Variants in ZNF577 observed in about 807,000 individuals in gnomAD.
The protein encoded by ZNF577 is zinc finger protein 577.
In ZNF577, 14 loss-of-function variants were observed where a neutral mutation model predicts 13.9. The ratio of observed to expected loss-of-function variants is 1.00; its 90% CI spans 0.66 to 1.57. The LOEUF (loss-of-function observed/expected upper bound fraction) is 1.57. Ranked by LOEUF, ZNF577 falls within the 40% of genes most tolerant of loss-of-function variation. The pLI is 0.00. For missense variants in ZNF577, 555 were observed against 579.2 expected (o/e 0.96, Z 0.43); for synonymous variants, 203 against 202.9 (o/e 1.00, Z 0.00).
intron 5 of ZNF577, among the ~76,000 whole-genome samples, chr19:51,851,729 T>TG (rs1205102324): frequency 1.3e-5 from 2 of 152,296 alleles, no homozygotes; most frequent in Non-Finnish European, 2.9e-5. Context: ...CAGCAGCCTA[T>TG]GCTCTCAAAG....
chr19:51,816,332 C>T (rs1599837836), intron 9 of ZNF577, among the ~76,000 whole-genome samples: 1 of 152,196 alleles, frequency 6.6e-6, no homozygotes, highest in Admixed American at 6.5e-5. Context: ...ACTACAACCT[C>T]TTCTTCCTGG....
exon 11 of ZNF577, chr19:51,804,913 G>C (rs1036706670): frequency 1.3e-5 from 2 of 152,290 alleles, no homozygotes; most frequent in African/African-American, 4.8e-5. Context: ...ATAGTGAGAA[G>C]GGGGGTGGAA....
At chr19:51,881,872 A>T (rs1453774815) in intron 1 of ZNF577, among the ~76,000 whole-genome samples, 1 of 151,926 alleles carries the variant, frequency 6.6e-6, no homozygotes, top group African/African-American at 2.4e-5. Context: ...AGAAACTCAC[A>T]CTCTGAGAAC....
intron 5 of ZNF577, among the ~76,000 whole-genome samples, chr19:51,850,464 A>G (rs901835544): frequency 6.6e-6 from 1 of 152,222 alleles, no homozygotes; most frequent in Non-Finnish European, 1.5e-5. Flanking sequence ...TGCTGCCTGC[A>G]TGATTTCTCT....
intron 9 of ZNF577, among the ~76,000 whole-genome samples, chr19:51,819,838 G>T (rs1169075402): frequency 1.3e-5 from 2 of 152,140 alleles, no homozygotes; most frequent in Non-Finnish European, 2.9e-5. Context: ...GGAAGGGATA[G>T]GATAATGGTT....
intron 8 of ZNF577, chr19:51,840,876 T>A (rs2084316607): frequency 6.6e-6 from 1 of 152,150 alleles, no homozygotes; most frequent in Admixed American, 6.5e-5. Context: ...TAATAAAAAC[T>A]ACTTGAGAAC....
downstream of ZNF577, among the ~76,000 whole-genome samples, chr19:51,866,426 G>T (rs2084564856): frequency 6.6e-6 from 1 of 152,092 alleles, no homozygotes; most frequent in South Asian, 2.1e-4. Flanking sequence ...AGCCAGCAAA[G>T]AAACAAATCT....
At chr19:51,810,933 C>CT (rs1392131231) in intron 10 of ZNF577, among the ~76,000 whole-genome samples, 3 of 152,146 alleles carry the variant, frequency 2.0e-5, no homozygotes, top group Non-Finnish European at 4.4e-5. Flanking sequence ...GCATAAAATT[C>CT]TTTGTATTGG....
chr19:51,881,873 C>T (rs1290135414), intron 1 of ZNF577, among the ~76,000 whole-genome samples: 1 of 152,202 alleles, frequency 6.6e-6, no homozygotes, highest in Non-Finnish European at 1.5e-5. Context: ...GAAACTCACA[C>T]TCTGAGAACA....
intron 9 of ZNF577, among the ~76,000 whole-genome samples, chr19:51,816,256 C>CT (rs952807313): frequency 9.3e-4 from 141 of 151,946 alleles, no homozygotes; most frequent in African/African-American, 3.1e-3. Flanking sequence ...TTCTTTTCTC[C>CT]TTTTTTTTGA....
intron 10 of ZNF577, chr19:51,805,356 C>T (rs2084051515): frequency 6.6e-6 from 1 of 152,168 alleles, no homozygotes; most frequent in Non-Finnish European, 1.5e-5. Context: ...GCTCTCCAGG[C>T]CTTCCTGGAA....
chr19:51,879,307 C>T (rs10413726), intron 3 of ZNF577, among the ~76,000 whole-genome samples: 33,522 of 150,848 alleles, frequency 0.22, 4,526 homozygotes, highest in South Asian at 0.41. Flanking sequence ...TGGTGGCTCA[C>T]GCCTGTAATC....
chr19:51,866,694 GA>G (rs2084567620), downstream of ZNF577, among the ~76,000 whole-genome samples: 1 of 152,194 alleles, frequency 6.6e-6, no homozygotes, highest in Non-Finnish European at 1.5e-5. Flanking sequence ...AGAAACATCA[GA>G]AACAGGCCAG....
intron 8 of ZNF577, among the ~76,000 whole-genome samples, chr19:51,842,359 G>A (rs565511957): frequency 2.6e-5 from 4 of 152,254 alleles, no homozygotes; most frequent in Non-Finnish European, 4.4e-5. Context: ...TAGGTCATGA[G>A]GGCTCCACCT....
chr19:51,814,219 T>C (rs1045742220), intron 9 of ZNF577, among the ~76,000 whole-genome samples: 1 of 152,222 alleles, frequency 6.6e-6, no homozygotes, highest in Non-Finnish European at 1.5e-5. Context: ...ATGGTTGTGT[T>C]GTTTCAGCCG....
chr19:51,865,119 G>C (rs1354978529), downstream of ZNF577, among the ~76,000 whole-genome samples: 1 of 151,856 alleles, frequency 6.6e-6, no homozygotes, highest in Non-Finnish European at 1.5e-5. Context: ...TTCTTGAGAC[G>C]GAGTTTCGCT....
intron 1 of ZNF577, among the ~76,000 whole-genome samples, chr19:51,882,379 G>A (rs2084875472): frequency 6.6e-6 from 1 of 151,932 alleles, no homozygotes; most frequent in Non-Finnish European, 1.5e-5. Context: ...CTACTGAACT[G>A]AGGTTCAGGT....
intron 9 of ZNF577, among the ~76,000 whole-genome samples, chr19:51,813,155 C>CAT (rs760074592): frequency 4.9e-4 from 74 of 151,248 alleles, no homozygotes; most frequent in Non-Finnish European, 8.8e-4. Context: ...CACACACACA[C>CAT]ACACACCCCA....
At chr19:51,850,654 A>G (rs1425435454) in intron 5 of ZNF577, among the ~76,000 whole-genome samples, 1 of 152,190 alleles carries the variant, frequency 6.6e-6, no homozygotes, top group East Asian at 1.9e-4. Flanking sequence ...TTAAACTTTG[A>G]AGTTGGTGTC....
Sources: allele counts gnomAD v4.1 joint callset (sites outside exome capture counted in the v4.1 genomes callset), GRCh38; gene constraint gnomAD v4.1.1; transcripts MANE v1.5; gene names NCBI Gene and HGNC (gene_info 2026-07-23, HGNC 2026-07-21).